Variants in JAK2 observed in about 807,000 individuals in gnomAD.
JAK2 encodes the protein Janus kinase 2, also known as tyrosine-protein kinase JAK2.
A neutral mutation model predicts 139.3 loss-of-function variants in JAK2; 86 were observed. The observed-to-expected ratio is 0.62, with a 90% CI of 0.52 to 0.74. JAK2 has a LOEUF of 0.74. JAK2 is among the 30% of genes least tolerant of loss of function. The pLI is 0.00. For synonymous variants in JAK2, 490 were observed against 437.7 expected, an observed-to-expected ratio of 1.12 and a Z score of -1.49; for missense variants, 1,421 against 1,360.3, an observed-to-expected ratio of 1.04 and a Z score of -0.70.
At chr9:5,021,651 G>T (rs953101209) in intron 2 of JAK2, among the ~76,000 whole-genome samples, 6 of 152,156 alleles carry the variant, frequency 3.9e-5, no homozygotes, top group Non-Finnish European at 8.8e-5. Flanking sequence ...TTTTGAGACA[G>T]GGTCTTGCTG....
At chr9:5,024,146 C>T (rs998883506) in intron 3 of JAK2, among the ~76,000 whole-genome samples, 2 of 152,092 alleles carry the variant, frequency 1.3e-5, no homozygotes, top group Non-Finnish European at 2.9e-5. Flanking sequence ...GTCCCAGCTA[C>T]TTGGGAGGCT....
At chr9:5,060,509 A>T (rs1407925117) in intron 8 of JAK2, among the ~76,000 whole-genome samples, 1 of 152,214 alleles carries the variant, frequency 6.6e-6, no homozygotes, top group Non-Finnish European at 1.5e-5. Context: ...CCAGGACTAG[A>T]TTCCATCTCA....
chr9:5,102,297 G>A (rs1006635513), intron 22 of JAK2, among the ~76,000 whole-genome samples: 3 of 152,304 alleles, frequency 2.0e-5, no homozygotes, highest in Admixed American at 1.3e-4. Flanking sequence ...ATCAGTGATT[G>A]AAGATCAAAT....
At chr9:4,999,956 A>T (rs868350972) in intron 2 of JAK2, among the ~76,000 whole-genome samples, 4 of 152,180 alleles carry the variant, frequency 2.6e-5, no homozygotes, top group African/African-American at 9.7e-5. Flanking sequence ...GGGTATTGGC[A>T]TTCTTCTTGT....
At chr9:5,126,107 A>AG in intron 23 of JAK2, 1 of 386,112 alleles carries the variant, frequency 2.6e-6, no homozygotes, top group African/African-American at 2.1e-5. Context: ...AGCCCTCCTC[A>AG]GGGGATTTGT....
chr9:5,100,283 A>C (rs1346554440), intron 22 of JAK2: 3 of 152,192 alleles, frequency 2.0e-5, no homozygotes. Flanking sequence ...CCAGCCCCTG[A>C]CCACTAACAG....
intron 3 of JAK2, among the ~76,000 whole-genome samples, chr9:5,027,639 ACTT>A (rs1172049975): frequency 6.6e-6 from 1 of 152,176 alleles, no homozygotes; most frequent in African/African-American, 2.4e-5. Flanking sequence ...CCGCAGTAGA[ACTT>A]CTTTGAAAAT....
intron 3 of JAK2, among the ~76,000 whole-genome samples, chr9:5,022,663 T>C (rs943360911): frequency 3.3e-5 from 5 of 152,232 alleles, no homozygotes; most frequent in African/African-American, 1.2e-4. Context: ...CTCATATATA[T>C]TTCTTATGTC....
intron 22 of JAK2, chr9:5,098,513 C>T (rs1821202376): frequency 6.6e-6 from 1 of 152,060 alleles, no homozygotes; most frequent in East Asian, 1.9e-4. Flanking sequence ...CCACAGATGC[C>T]CAAGAAATTG....
chr9:5,082,422 T>A (rs1461923968), intron 19 of JAK2, among the ~76,000 whole-genome samples: 1 of 152,244 alleles, frequency 6.6e-6, no homozygotes, highest in Non-Finnish European at 1.5e-5. Flanking sequence ...TAAAGCAGCA[T>A]TGCTGCCAAC....
intron 2 of JAK2, among the ~76,000 whole-genome samples, chr9:4,996,833 G>A (rs1381590451): frequency 6.6e-6 from 1 of 151,868 alleles, no homozygotes; most frequent in Non-Finnish European, 1.5e-5. Context: ...TTGATTCACA[G>A]TGCCTCTGGT....
At chr9:5,065,750 G>C (rs12342421) in intron 9 of JAK2, among the ~76,000 whole-genome samples, 35,150 of 152,042 alleles carry the variant, frequency 0.23, 4,477 homozygotes, top group South Asian at 0.3. Flanking sequence ...CTCTTAGCTA[G>C]GATGTGGTTT....
At chr9:5,024,281 A>G (rs1185896610) in intron 3 of JAK2, among the ~76,000 whole-genome samples, 3 of 152,150 alleles carry the variant, frequency 2.0e-5, no homozygotes, top group Non-Finnish European at 4.4e-5. Context: ...TTTGGCTTGT[A>G]AGATTCATTT....
rs1159419964 is a variant in JAK2, at chr9:5,069,905, T to C, written c.1514-20T>C. The C allele has an allele frequency of 6.6e-7, 1 of 1,522,890 alleles. No homozygotes were observed. The highest frequency in any genetic ancestry group is 2.3e-5 in the East Asian group (1 of 43,684). The allele number at this position is 1,522,890 out of a possible 1,614,324, so 94.3% of individuals were successfully genotyped here. A position where few individuals can be genotyped will look rare whatever the true frequency, so the allele number is the denominator to read the frequency against. ...TTTCAGTGTATTTTGAAGTGATATA[T>C]ATGTATTTTATTTTTTCAGATAAAT... On this transcript the variant is annotated intron_variant, in intron 11 of 24. Transcript: ENST00000381652.
intron 3 of JAK2, among the ~76,000 whole-genome samples, chr9:5,022,960 T>C (rs1316791550): frequency 6.6e-6 from 1 of 152,244 alleles, no homozygotes; most frequent in African/African-American, 2.4e-5. Flanking sequence ...TATTCTCTTA[T>C]TTAAGATCAG....
At chr9:5,076,086 C>T (rs1428414313) in intron 14 of JAK2, among the ~76,000 whole-genome samples, 1 of 152,026 alleles carries the variant, frequency 6.6e-6, no homozygotes, top group African/African-American at 2.4e-5. Flanking sequence ...TACAATCTCA[C>T]GATAAGCCCT....
chr9:5,034,082 A>G (rs1823377997), intron 4 of JAK2, among the ~76,000 whole-genome samples: 1 of 152,144 alleles, frequency 6.6e-6, no homozygotes, highest in African/African-American at 2.4e-5. Context: ...AAAGGCAGGG[A>G]TTGCAATCCT....
intron 2 of JAK2, among the ~76,000 whole-genome samples, chr9:5,007,270 T>G (rs1821368117): frequency 6.6e-6 from 1 of 152,160 alleles, no homozygotes; most frequent in Non-Finnish European, 1.5e-5. Flanking sequence ...TATACACTTT[T>G]ACTGCGTTTT....
intron 14 of JAK2, among the ~76,000 whole-genome samples, chr9:5,076,536 T>G (rs928523540): frequency 6.6e-6 from 1 of 152,186 alleles, no homozygotes; most frequent in Non-Finnish European, 1.5e-5. Context: ...TTGTTTTTTT[T>G]AAGATATAAC....
Sources: allele counts gnomAD v4.1 joint callset (sites outside exome capture counted in the v4.1 genomes callset), GRCh38; gene constraint gnomAD v4.1.1; transcripts MANE v1.5; gene names NCBI Gene and HGNC (gene_info 2026-07-23, HGNC 2026-07-21).